NEDD9: variants seen among roughly 807,000 people sequenced by gnomAD.
The protein encoded by NEDD9 is enhancer of filamentation 1.
In NEDD9, 26 loss-of-function variants were observed where a neutral mutation model predicts 76.6. The ratio of observed to expected loss-of-function variants is 0.34; its 90% CI spans 0.25 to 0.47. NEDD9 has a LOEUF of 0.47. Among genes scored for constraint, NEDD9 ranks in the 20% least tolerant of loss-of-function variants. NEDD9 has a pLI of 1.00. For missense variants in NEDD9, 937 were observed against 1,058.5 expected (o/e 0.89, Z 1.59); for synonymous variants, 392 against 414.2 (o/e 0.95, Z 0.65).
intron 1 of NEDD9, among the ~76,000 whole-genome samples, chr6:11,338,450 T>C (rs980028553): frequency 2.0e-5 from 3 of 152,200 alleles, no homozygotes; most frequent in Non-Finnish European, 4.4e-5. Flanking sequence ...GTTTGTGTTT[T>C]TGTTTTTTAA....
chr6:11,295,268 G>C (rs898073916), intron 3 of NEDD9, among the ~76,000 whole-genome samples: 5 of 152,116 alleles, frequency 3.3e-5, no homozygotes, highest in African/African-American at 1.2e-4. Context: ...TATTTAGCCA[G>C]ATTATGTTTT....
intron 2 of NEDD9, among the ~76,000 whole-genome samples, chr6:11,332,756 T>C (rs1201600329): frequency 6.6e-6 from 1 of 152,166 alleles, no homozygotes; most frequent in South Asian, 2.1e-4. Context: ...TGGCACGTTC[T>C]CAGCATCTAG....
chr6:11,234,399 C>CT (rs1253475212), upstream of NEDD9, among the ~76,000 whole-genome samples: 3 of 152,152 alleles, frequency 2.0e-5, no homozygotes, highest in Non-Finnish European at 4.4e-5. Flanking sequence ...CTTTGGCTTC[C>CT]TAAGTGGTCA....
chr6:11,356,083 C>A (rs1012739237), intron 1 of NEDD9, among the ~76,000 whole-genome samples: 2 of 152,132 alleles, frequency 1.3e-5, no homozygotes, highest in African/African-American at 2.4e-5. Flanking sequence ...TATGAAGCAA[C>A]CTCCACTCCA....
chr6:11,301,598 A>G (rs1480430904), intron 3 of NEDD9, among the ~76,000 whole-genome samples: 1 of 152,242 alleles, frequency 6.6e-6, no homozygotes, highest in Non-Finnish European at 1.5e-5. Flanking sequence ...TTATTCTAAA[A>G]TTGACCACTT....
chr6:11,318,694 A>C (rs185670898), intron 2 of NEDD9, among the ~76,000 whole-genome samples: 1 of 152,276 alleles, frequency 6.6e-6, no homozygotes, highest in East Asian at 1.9e-4. Context: ...AGTTAAAAAA[A>C]AACAACAGAA....
At chr6:11,239,375 T>A (rs1440437425) in intron 3 of NEDD9, among the ~76,000 whole-genome samples, 1 of 152,152 alleles carries the variant, frequency 6.6e-6, no homozygotes, top group Non-Finnish European at 1.5e-5. Context: ...CTGAACCCCA[T>A]CTTTTGTCCT....
intron 1 of NEDD9, among the ~76,000 whole-genome samples, chr6:11,335,788 C>G (rs527861544): frequency 5.8e-4 from 89 of 152,324 alleles, no homozygotes; most frequent in African/African-American, 2.1e-3. Flanking sequence ...GTGTTTGAGT[C>G]TAGTTATAAG....
chr6:11,289,811 G>T (rs977406649), intron 3 of NEDD9, among the ~76,000 whole-genome samples: 3 of 151,872 alleles, frequency 2.0e-5, no homozygotes, highest in African/African-American at 7.2e-5. Flanking sequence ...GGTGGGGAGG[G>T]TAGGGAAGGA....
intron 3 of NEDD9, among the ~76,000 whole-genome samples, chr6:11,282,696 A>G (rs558279140): frequency 1.3e-5 from 2 of 152,082 alleles, no homozygotes; most frequent in African/African-American, 4.8e-5. Flanking sequence ...CATATATCAC[A>G]TATCTGTTTC....
chr6:11,305,429 T>C (rs1761156771), intron 3 of NEDD9: 2 of 219,148 alleles, frequency 9.1e-6, no homozygotes, highest in South Asian at 1.2e-4. Context: ...CTGCCTCTTT[T>C]AGAGGCCAAC....
chr6:11,331,881 G>A (rs1762044387), intron 2 of NEDD9, among the ~76,000 whole-genome samples: 1 of 152,218 alleles, frequency 6.6e-6, no homozygotes, highest in Non-Finnish European at 1.5e-5. Flanking sequence ...CTTTCCTGTG[G>A]CAGCAGCAAG....
intron 1 of NEDD9, among the ~76,000 whole-genome samples, chr6:11,371,297 T>C (rs562531673): frequency 1.3e-5 from 2 of 152,322 alleles, no homozygotes; most frequent in East Asian, 1.9e-4. Context: ...AAGTCTATAG[T>C]TGACAGTAGG....
chr6:11,381,297 C>G (rs1043257057), intron 1 of NEDD9, among the ~76,000 whole-genome samples: 36 of 152,204 alleles, frequency 2.4e-4, no homozygotes, highest in Non-Finnish European at 4.4e-4. Context: ...GTTTAAATGA[C>G]TAGAGCGCCT....
intron 1 of NEDD9, among the ~76,000 whole-genome samples, chr6:11,354,470 G>T (rs1307199128): frequency 1.3e-5 from 2 of 152,174 alleles, no homozygotes; most frequent in Non-Finnish European, 2.9e-5. Context: ...TTGGAGTCTT[G>T]CAACCTAGTG....
intron 6 of NEDD9, among the ~76,000 whole-genome samples, chr6:11,187,287 C>T (rs1758003097): frequency 6.6e-6 from 1 of 152,162 alleles, no homozygotes; most frequent in Non-Finnish European, 1.5e-5. Context: ...TTCATTTCAT[C>T]TTAAAAGGCT....
chr6:11,281,392 G>A (rs1760535263), intron 3 of NEDD9, among the ~76,000 whole-genome samples: 2 of 152,234 alleles, frequency 1.3e-5, no homozygotes, highest in African/African-American at 4.8e-5. Flanking sequence ...TTATGCAGGA[G>A]GTTGCTGGTA....
intron 2 of NEDD9, among the ~76,000 whole-genome samples, chr6:11,210,464 G>A (rs1055266765): frequency 6.6e-6 from 1 of 152,082 alleles, no homozygotes; most frequent in African/African-American, 2.4e-5. Flanking sequence ...AAGAGAAAAT[G>A]AGCAAATTGC....
At chr6:11,199,452 G>A (rs1163980035) in intron 2 of NEDD9, 1 of 152,082 alleles carries the variant, frequency 6.6e-6, no homozygotes, top group East Asian at 1.9e-4. Flanking sequence ...ATGAGATCAA[G>A]TGCATAAAGT....
Sources: allele counts gnomAD v4.1 joint callset (sites outside exome capture counted in the v4.1 genomes callset), GRCh38; gene constraint gnomAD v4.1.1; transcripts MANE v1.5; gene names NCBI Gene and HGNC (gene_info 2026-07-23, HGNC 2026-07-21).